The following CERS3 variants were observed in gnomAD, a reference collection of about 807,000 sequenced individuals.
The protein encoded by CERS3 is ceramide synthase 3.
A neutral mutation model predicts 50.3 loss-of-function variants in CERS3; 33 were observed. The ratio of observed to expected loss-of-function variants is 0.66; its 90% confidence interval spans 0.50 to 0.88. The LOEUF is 0.88. CERS3 is among the 40% of genes least tolerant of loss of function. CERS3 has a pLI of 0.00. For missense variants in CERS3, 470 were observed against 460.3 expected (o/e 1.02, Z -0.19); for synonymous variants, 176 against 155.2 (o/e 1.13, Z -0.99).
chr15:100,540,400 C>T lies in CERS3; in HGVS notation c.-355+4251G>A, dbSNP rs1421884888. On this transcript the variant is annotated intron_variant, in intron 1 of 12. Transcript: ENST00000284382. ...TCTACTGAAAACACAAAAAATTAGC[C>T]GGGCGTGGTGACAGGCGCCCGTAAT... is the stretch of plus-strand genomic sequence containing the variant. Among the ~76,000 whole-genome samples, 8 of 152,104 alleles carry T rather than the reference C, an allele frequency of 5.3e-5. No homozygotes were observed. In the East Asian group the frequency reaches 5.8e-4, roughly 11 times the overall value.
intron 2 of CERS3, among the ~76,000 whole-genome samples, chr15:100,516,930 A>C (rs2036506741): frequency 6.6e-6 from 1 of 152,212 alleles, no homozygotes; most frequent in African/African-American, 2.4e-5. Flanking sequence ...ACATGTGAGA[A>C]CCCAGGACCT....
intron 3 of CERS3, among the ~76,000 whole-genome samples, chr15:100,497,905 T>TTG (rs2035877674): frequency 6.8e-6 from 1 of 148,056 alleles, no homozygotes; most frequent in Non-Finnish European, 1.5e-5. Flanking sequence ...ACTTTTTTTT[T>TTG]TTTTTTTGAG....
chr15:100,486,239 C>T (rs1257856166), intron 4 of CERS3, among the ~76,000 whole-genome samples: 1 of 152,216 alleles, frequency 6.6e-6, no homozygotes, highest in Non-Finnish European at 1.5e-5. Flanking sequence ...AGCCGGATAG[C>T]TTCTGCTAGA....
At chr15:100,415,651 G>A (rs1353935466) in intron 11 of CERS3, among the ~76,000 whole-genome samples, 2 of 152,202 alleles carry the variant, frequency 1.3e-5, no homozygotes, top group Admixed American at 6.5e-5. Context: ...GGGAATGGAT[G>A]AAGCTGGAAG....
chr15:100,518,889 T>C (rs1185983935), intron 2 of CERS3, among the ~76,000 whole-genome samples: 1 of 152,162 alleles, frequency 6.6e-6, no homozygotes, highest in Non-Finnish European at 1.5e-5. Flanking sequence ...CCTGGCTGGG[T>C]GTGGTGGCTC....
intron 9 of CERS3, among the ~76,000 whole-genome samples, chr15:100,472,676 C>T (rs2035005900): frequency 6.6e-6 from 1 of 152,198 alleles, no homozygotes; most frequent in Non-Finnish European, 1.5e-5. Context: ...TGGGCATGTG[C>T]ATGCAACCTT....
At chr15:100,418,025 T>C (rs1057094061) in intron 11 of CERS3, among the ~76,000 whole-genome samples, 1 of 151,886 alleles carries the variant, frequency 6.6e-6, no homozygotes, top group African/African-American at 2.4e-5. Context: ...GCAGAGCACC[T>C]CTCCTCCTCC....
chr15:100,522,082 C>T (rs867261346), intron 1 of CERS3, among the ~76,000 whole-genome samples: 5 of 152,332 alleles, frequency 3.3e-5, no homozygotes, highest in East Asian at 3.9e-4. Context: ...GGCACCTGAC[C>T]GGCTTTCTAG....
chr15:100,405,249 C>A (rs8029579), intron 11 of CERS3, among the ~76,000 whole-genome samples: 3,126 of 38,700 alleles, frequency 0.081, 56 homozygotes, highest in Admixed American at 0.09. Flanking sequence ...AAAAAAAAAA[C>A]AAAAAAAAAC....
chr15:100,519,608 G>C (rs1347700096), intron 2 of CERS3, among the ~76,000 whole-genome samples: 2 of 152,140 alleles, frequency 1.3e-5, no homozygotes, highest in Non-Finnish European at 2.9e-5. Flanking sequence ...GAAAGCCTTG[G>C]ATTGTTTCTC....
intron 11 of CERS3, among the ~76,000 whole-genome samples, chr15:100,441,538 C>T (rs1448068449): frequency 2.6e-5 from 4 of 151,924 alleles, no homozygotes; most frequent in South Asian, 4.2e-4. Context: ...GGGCAACCTT[C>T]CACCCTCCAT....
At chr15:100,444,618 T>C (rs1362412459) in intron 11 of CERS3, among the ~76,000 whole-genome samples, 3 of 152,164 alleles carry the variant, frequency 2.0e-5, no homozygotes, top group African/African-American at 7.2e-5. Flanking sequence ...AGGAAATAAC[T>C]TCTCAGTGTT....
chr15:100,543,012 A>G (rs532699409), intron 1 of CERS3, among the ~76,000 whole-genome samples: 7 of 152,120 alleles, frequency 4.6e-5, no homozygotes, highest in South Asian at 2.1e-4. Context: ...CTCCTGGGCT[A>G]AAGTGATTCT....
At chr15:100,415,764 T>C in intron 11 of CERS3, among the ~76,000 whole-genome samples, 1 of 148,128 alleles carries the variant, frequency 6.8e-6, no homozygotes, top group Non-Finnish European at 1.5e-5. Flanking sequence ...CATAGGGAGG[T>C]GAAAAACACA....
intron 11 of CERS3, among the ~76,000 whole-genome samples, chr15:100,413,503 A>C (rs1416221032): frequency 6.7e-6 from 1 of 148,616 alleles, no homozygotes; most frequent in Non-Finnish European, 1.5e-5. Flanking sequence ...AAGTCAACAC[A>C]ACTGACGACT....
At chr15:100,450,920 G>GA (rs1469433732) in intron 11 of CERS3, among the ~76,000 whole-genome samples, 1 of 151,968 alleles carries the variant, frequency 6.6e-6, no homozygotes, top group Non-Finnish European at 1.5e-5. Context: ...GGGAGGGGGG[G>GA]AACCTGTTAG....
At chr15:100,461,820 G>A (rs902800047) in intron 10 of CERS3, among the ~76,000 whole-genome samples, 9 of 152,170 alleles carry the variant, frequency 5.9e-5, no homozygotes, top group Non-Finnish European at 1.0e-4. Flanking sequence ...AGAGGACAGA[G>A]GGGACTGGAG....
In CERS3 at chr15:100,402,408, A is replaced by G; in HGVS notation, c.*305T>C. On this transcript the variant is annotated 3_prime_UTR_variant, in exon 12 of 12. Coordinates refer to ENST00000679737, the MANE Select transcript of CERS3 (RefSeq NM_001378789.1). ...GTGGCGAGGCGAAAGGGTCTATAACAAAGCGAGCCCCTGAGAAAGTGACAT... is the reference window on the plus strand; with the variant it reads ...GTGGCGAGGCGAAAGGGTCTATAACGAAGCGAGCCCCTGAGAAAGTGACAT... 3.1e-6 allele frequency: 1 copy of G among 322,198 alleles called. No homozygotes were observed. Among genetic ancestry groups the G allele is most frequent in the Non-Finnish European group, 5.7e-6 (1 of 174,906 alleles). 20.0% of individuals were successfully genotyped at this position (322,198 alleles called of 1,614,324 possible).
intron 9 of CERS3, 54 bp from the exon 10 acceptor site, chr15:100,469,538 G>T (rs2034897001): frequency 2.4e-6 from 3 of 1,244,614 alleles, no homozygotes; most frequent in Non-Finnish European, 3.5e-6. Context: ...CATTTTTAAA[G>T]TTAAATTTAT....
Sources: gnomAD v4.1 joint callset for allele counts (sites outside exome capture counted in the v4.1 genomes callset) on GRCh38, gnomAD v4.1.1 for gene constraint, MANE v1.5 for transcripts, NCBI Gene and HGNC (gene_info 2026-07-23, HGNC 2026-07-21) for gene names.